The following GFRA1 variants were observed in gnomAD, a reference collection of about 807,000 sequenced individuals.
GFRA1 encodes the protein GDNF family receptor alpha 1.
Under a neutral mutation model 51.6 loss-of-function variants are expected in GFRA1, and 16 were observed. The observed-to-expected ratio is 0.31, with a 90% CI of 0.21 to 0.47. The LOEUF (loss-of-function observed/expected upper bound fraction) is 0.47. Ranked by LOEUF, GFRA1 falls within the 20% of genes least tolerant of loss-of-function variation. The pLI is 1.00. For missense variants in GFRA1, 530 were observed against 594.3 expected (o/e 0.89, Z 1.13); for synonymous variants, 270 against 241.3 (o/e 1.12, Z -1.10).
intron 9 of GFRA1, among the ~76,000 whole-genome samples, chr10:116,067,349 A>G (rs939093594): frequency 3.3e-5 from 5 of 152,240 alleles, no homozygotes; most frequent in African/African-American, 9.6e-5. Context: ...TACAAAAGAC[A>G]TAAGCCCTTG....
At chr10:116,099,967 T>C (rs149072812) in intron 6 of GFRA1, among the ~76,000 whole-genome samples, 528 of 152,326 alleles carry the variant, frequency 3.5e-3, no homozygotes, top group African/African-American at 0.012. Context: ...AACCAAGGCT[T>C]AGTGAGGTTA....
chr10:116,264,853 T>C (rs564042592), intron 4 of GFRA1, among the ~76,000 whole-genome samples: 10 of 152,184 alleles, frequency 6.6e-5, no homozygotes, highest in African/African-American at 2.4e-4. Flanking sequence ...TTCTCAAATA[T>C]AGGAACACCA....
At position 116,101,763 on chromosome 10, in the gene GFRA1, A is replaced by G. The variant is rs538115191; in HGVS notation, c.771-4999T>C. On this transcript the variant is annotated intron_variant, in intron 6 of 10. Transcript: ENST00000355422. The stretch of plus-strand genomic sequence containing the variant: ...AGAACAAATCCCATACTTGGACATA[A>G]GACACGTGGTTGGTGGAATTGAGCC... Among the ~76,000 whole-genome samples, 7 of 152,266 alleles carry G rather than the reference A, an allele frequency of 4.6e-5. No homozygotes were observed. In the South Asian group the frequency reaches 1.5e-3, roughly 32 times the overall value.
At chr10:116,081,034 C>CT (rs372017970) in intron 9 of GFRA1, among the ~76,000 whole-genome samples, 6 of 152,340 alleles carry the variant, frequency 3.9e-5, no homozygotes, top group African/African-American at 1.4e-4. Context: ...CTAGGCATCT[C>CT]TTTGTCTAGC....
At chr10:116,133,272 G>GTTGT (rs1958181987) in intron 5 of GFRA1, among the ~76,000 whole-genome samples, 1 of 152,056 alleles carries the variant, frequency 6.6e-6, no homozygotes, top group South Asian at 2.1e-4. Context: ...ACACAGCCAT[G>GTTGT]TTGTCACTTT....
At chr10:116,132,644 C>A (rs1189133065) in intron 5 of GFRA1, among the ~76,000 whole-genome samples, 1 of 152,010 alleles carries the variant, frequency 6.6e-6, no homozygotes, top group Non-Finnish European at 1.5e-5. Context: ...TACTGCGGAT[C>A]CTACTGCAAT....
intron 8 of GFRA1, among the ~76,000 whole-genome samples, chr10:116,090,242 G>C (rs1163076954): frequency 6.6e-6 from 1 of 152,004 alleles, no homozygotes; most frequent in East Asian, 1.9e-4. Flanking sequence ...CAAGCCCTTT[G>C]AAACCCAGCA....
chr10:116,198,570 T>G (rs1474088801), intron 5 of GFRA1, among the ~76,000 whole-genome samples: 1 of 152,198 alleles, frequency 6.6e-6, no homozygotes, highest in Non-Finnish European at 1.5e-5. Context: ...GAGGCCCAGG[T>G]TGAGACACAG....
At chr10:116,211,597 C>T (rs1266782679) in intron 5 of GFRA1, 34 bp downstream of exon 5, 3 of 1,540,042 alleles carry the variant, frequency 1.9e-6, no homozygotes, top group South Asian at 1.2e-5. Context: ...AGAGCACAGC[C>T]AGTGAAAAAG....
intron 5 of GFRA1, among the ~76,000 whole-genome samples, chr10:116,144,319 A>G (rs1005906430): frequency 6.6e-6 from 1 of 152,066 alleles, no homozygotes; most frequent in Non-Finnish European, 1.5e-5. Context: ...ATTCATTCAT[A>G]GTGTTTACTA....
chr10:116,112,842 C>T (rs879441102), intron 6 of GFRA1, among the ~76,000 whole-genome samples: 5 of 152,230 alleles, frequency 3.3e-5, no homozygotes, highest in Admixed American at 1.3e-4. Context: ...CTGGGGCAGA[C>T]ATCCCACAGC....
intron 5 of GFRA1, among the ~76,000 whole-genome samples, chr10:116,138,659 A>G (rs1264576042): frequency 9.7e-6 from 1 of 102,626 alleles, no homozygotes; most frequent in South Asian, 3.9e-4. Context: ...CACCCAACAC[A>G]CACCTTCACA....
intron 4 of GFRA1, among the ~76,000 whole-genome samples, chr10:116,259,067 A>C (rs1001322773): frequency 1.3e-5 from 2 of 152,266 alleles, no homozygotes; most frequent in African/African-American, 4.8e-5. Context: ...GTAGTAACAG[A>C]AATTAATGAA....
chr10:116,185,875 T>A (rs1265317340), intron 5 of GFRA1, among the ~76,000 whole-genome samples: 1 of 152,258 alleles, frequency 6.6e-6, no homozygotes, highest in African/African-American at 2.4e-5. Flanking sequence ...CTGCTCACAA[T>A]GTCCCACAGG....
intron 7 of GFRA1, among the ~76,000 whole-genome samples, chr10:116,094,568 T>C (rs1410531606): frequency 6.6e-6 from 1 of 152,150 alleles, no homozygotes; most frequent in Admixed American, 6.5e-5. Flanking sequence ...CCAAACCAAA[T>C]GTCTTCTCCT....
At chr10:116,092,108 C>G (rs1956370546) in intron 8 of GFRA1, among the ~76,000 whole-genome samples, 2 of 144,284 alleles carry the variant, frequency 1.4e-5, no homozygotes. Context: ...CACACACACA[C>G]ACACACACAC....
chr10:116,067,252 T>C (rs1489860121), intron 9 of GFRA1, among the ~76,000 whole-genome samples: 1 of 152,234 alleles, frequency 6.6e-6, no homozygotes, highest in Non-Finnish European at 1.5e-5. Flanking sequence ...GTGCTTTACA[T>C]GTTTTATTTC....
At position 116,064,378 on chromosome 10, in the gene GFRA1, AT is replaced by A. The variant is rs773195992; in HGVS notation, c.*19del. On this transcript the variant is annotated 3_prime_UTR_variant, in exon 11 of 11. Coordinates refer to ENST00000355422, the MANE Select transcript of GFRA1 (RefSeq NM_005264.8). ...GGTTTTTGTCTTTTTACATGTCCAT[AT>A]TGTATTTTTTTAATGCAGCTATGAT... 1.6e-5 allele frequency: 25 copies of A among 1,606,650 alleles called. No homozygotes were observed. The highest frequency in any genetic ancestry group is 2.1e-5 in the Non-Finnish European group (25 of 1,175,476).
At chr10:116,071,558 G>C (rs1293280587) in intron 9 of GFRA1, among the ~76,000 whole-genome samples, 1 of 152,202 alleles carries the variant, frequency 6.6e-6, no homozygotes, top group Non-Finnish European at 1.5e-5. Context: ...CTGTGTTTGA[G>C]TGTGGGGATC....
Sources: gnomAD v4.1 joint callset for allele counts (sites outside exome capture counted in the v4.1 genomes callset) on GRCh38, gnomAD v4.1.1 for gene constraint, MANE v1.5 for transcripts, NCBI Gene and HGNC (gene_info 2026-07-23, HGNC 2026-07-21) for gene names.